Variants in CAMTA1 observed in about 807,000 individuals in gnomAD.
CAMTA1 encodes the protein calmodulin binding transcription activator 1, also known as calmodulin-binding transcription activator 1.
Under a neutral mutation model 170.9 loss-of-function variants are expected in CAMTA1, and 27 were observed. The observed-to-expected ratio is 0.16, with a 90% confidence interval of 0.12 to 0.22. CAMTA1 has a LOEUF of 0.22. CAMTA1 is among the 10% of genes least tolerant of loss of function. CAMTA1 has a pLI of 1.00. For missense variants in CAMTA1, 1,619 were observed against 2,217.2 expected (o/e 0.73, Z 5.42); for synonymous variants, 833 against 891.5 (o/e 0.93, Z 1.17).
At chr1:7,277,523 CTCATTT>C (rs138527346) in intron 5 of CAMTA1, among the ~76,000 whole-genome samples, 28,099 of 151,224 alleles carry the variant, frequency 0.19, 3,013 homozygotes, top group African/African-American at 0.28. Context: ...CATTCTCATT[CTCATTT>C]TTGAATTAAC....
chr1:7,478,665 C>CT (rs1464113598), intron 6 of CAMTA1, among the ~76,000 whole-genome samples: 1 of 152,116 alleles, frequency 6.6e-6, no homozygotes, highest in East Asian at 1.9e-4. Flanking sequence ...TAAACAATCG[C>CT]TTTTCATATA....
intron 3 of CAMTA1, among the ~76,000 whole-genome samples, chr1:6,940,339 C>T (rs1484489970): frequency 6.6e-6 from 1 of 152,208 alleles, no homozygotes; most frequent in East Asian, 1.9e-4. Flanking sequence ...AAGACCAAGG[C>T]CCAGCTCCAG....
chr1:7,525,029 C>A (rs895338771), intron 6 of CAMTA1, among the ~76,000 whole-genome samples: 2 of 152,162 alleles, frequency 1.3e-5, no homozygotes, highest in Non-Finnish European at 2.9e-5. Context: ...GGGCTGCAGA[C>A]CTGCCCTTGA....
intron 3 of CAMTA1, among the ~76,000 whole-genome samples, chr1:7,016,219 G>GCCGT (rs1478358287): frequency 6.6e-6 from 1 of 152,174 alleles, no homozygotes; most frequent in African/African-American, 2.4e-5. Context: ...ACCCGTGAGA[G>GCCGT]CCGTCTGAGT....
At chr1:7,679,534 G>A (rs996879036) in intron 11 of CAMTA1, among the ~76,000 whole-genome samples, 2 of 151,356 alleles carry the variant, frequency 1.3e-5, no homozygotes, top group African/African-American at 4.9e-5. Flanking sequence ...CAGGCCCCTC[G>A]AGATGGGCCT....
At chr1:7,415,421 T>A (rs1345635517) in intron 5 of CAMTA1, among the ~76,000 whole-genome samples, 1 of 152,020 alleles carries the variant, frequency 6.6e-6, no homozygotes, top group Non-Finnish European at 1.5e-5. Context: ...ACTCAGGACT[T>A]GCTTTATGAA....
chr1:7,434,152 A>G (rs1481584896), intron 5 of CAMTA1, among the ~76,000 whole-genome samples: 2 of 151,916 alleles, frequency 1.3e-5, no homozygotes, highest in African/African-American at 2.4e-5. Flanking sequence ...TTACTTTCCA[A>G]ACTTGCTCTC....
chr1:7,297,909 A>G (rs1391237108), intron 5 of CAMTA1, among the ~76,000 whole-genome samples: 1 of 152,182 alleles, frequency 6.6e-6, no homozygotes, highest in Non-Finnish European at 1.5e-5. Context: ...ATCCAATCCT[A>G]GTCACTTCAT....
At chr1:7,706,886 C>CT (rs139511207) in intron 11 of CAMTA1, among the ~76,000 whole-genome samples, 115,596 of 132,134 alleles carry the variant, frequency 0.87, 51,216 homozygotes, top group South Asian at 0.96. Context: ...TCAGGCTATT[C>CT]TTTTTTTTTT....
At chr1:7,522,818 T>G (rs2094383231) in intron 6 of CAMTA1, among the ~76,000 whole-genome samples, 1 of 152,124 alleles carries the variant, frequency 6.6e-6, no homozygotes, top group African/African-American at 2.4e-5. Flanking sequence ...ATAAGTTGAG[T>G]GTGTTTGTTG....
intron 5 of CAMTA1, among the ~76,000 whole-genome samples, chr1:7,460,781 C>G (rs1351341503): frequency 6.6e-6 from 1 of 152,184 alleles, no homozygotes; most frequent in African/African-American, 2.4e-5. Context: ...GTGGGTACAT[C>G]AGATACAAGC....
At chr1:7,512,818 CT>C (rs1355636109) in intron 6 of CAMTA1, among the ~76,000 whole-genome samples, 3 of 152,122 alleles carry the variant, frequency 2.0e-5, no homozygotes, top group Admixed American at 2.0e-4. Flanking sequence ...GCCTTGGAGG[CT>C]GGGAGGGAGG....
In CAMTA1 at chr1:7,580,655, C is replaced by T. The variant is rs1263004914; in HGVS notation, c.511-59745C>T. ...TCATTCTCGGTGGCACCAAAGGTCC[C>T]TGGGCACCTGGCCCCGAGGCTGGCT... On this transcript the variant is annotated intron_variant, in intron 6 of 22. Transcript: ENST00000303635. The surrounding 1 kb of genome is among the most constrained non-coding windows in gnomAD (Gnocchi z 4.3). Among the ~76,000 whole-genome samples the T allele has an allele frequency of 1.3e-5, 2 of 151,206 alleles. No homozygotes were observed. Among genetic ancestry groups the T allele is most frequent in the African/African-American group, 2.4e-5 (1 of 41,094 alleles).
chr1:6,981,077 C>G (rs924195703), intron 3 of CAMTA1, among the ~76,000 whole-genome samples: 1 of 152,060 alleles, frequency 6.6e-6, no homozygotes, highest in Non-Finnish European at 1.5e-5. Flanking sequence ...GCTCTGAGAA[C>G]AGCCCCCAAT....
intron 5 of CAMTA1, among the ~76,000 whole-genome samples, chr1:7,366,157 C>T (rs2085950530): frequency 6.6e-6 from 1 of 152,188 alleles, no homozygotes. Flanking sequence ...CACCAGCACC[C>T]AGAAAGCAGT....
chr1:6,830,383 A>G (rs9701709), intron 3 of CAMTA1, among the ~76,000 whole-genome samples: 45,380 of 126,352 alleles, frequency 0.36, 7,274 homozygotes, highest in Middle Eastern at 0.46. Context: ...TCACTCTGTT[A>G]CCCAGGCTGG....
chr1:7,448,737 A>G (rs74053285), intron 5 of CAMTA1, among the ~76,000 whole-genome samples: 2,287 of 152,242 alleles, frequency 0.015, 61 homozygotes, highest in African/African-American at 0.051. Context: ...GCCTCTTTTT[A>G]TAAGGACACT....
At chr1:7,081,105 G>A (rs575691392) in intron 3 of CAMTA1, among the ~76,000 whole-genome samples, 23 of 152,376 alleles carry the variant, frequency 1.5e-4, no homozygotes, top group Non-Finnish European at 1.5e-4. Flanking sequence ...ACTTGCGGAT[G>A]TCAATTAGAA....
rs945598606 is a variant in CAMTA1, at chr1:7,248,586, A to G, written c.303-905A>G. Among the ~76,000 whole-genome samples the G allele has an allele frequency of 1.3e-5, 2 of 152,126 alleles. No homozygotes were observed. The highest frequency in any genetic ancestry group is 4.8e-5 in the African/African-American group (2 of 41,424). On this transcript the variant is annotated intron_variant, in intron 4 of 22. Transcript: ENST00000303635. The surrounding 1 kb of genome is among the most constrained non-coding windows in gnomAD (Gnocchi z 4.0). ...AACTTTATTCTGAAAGTGGTTTATC[A>G]CAGCACTTGCCCTCAGCTGCTAGAG... is the stretch of plus-strand genomic sequence containing the variant.
Sources: allele counts gnomAD v4.1 joint callset (sites outside exome capture counted in the v4.1 genomes callset), GRCh38; gene constraint gnomAD v4.1.1; non-coding constraint Gnocchi (gnomAD v3.1); transcripts MANE v1.5; gene names NCBI Gene and HGNC (gene_info 2026-07-23, HGNC 2026-07-21).